Variants in KAT6B observed in about 807,000 individuals in gnomAD.
KAT6B encodes lysine acetyltransferase 6B, also known as histone acetyltransferase KAT6B.
KAT6B carries 10 observed loss-of-function variants against 187.5 expected under a neutral mutation model. The observed-to-expected ratio is 0.05, with a 90% CI of 0.03 to 0.09. The LOEUF (loss-of-function observed/expected upper bound fraction) is 0.09, where lower values mean the gene tolerates loss of function less well. Among genes scored for constraint, KAT6B ranks in the 10% least tolerant of loss-of-function variants. The pLI, the probability that KAT6B is intolerant of heterozygous loss-of-function variation, is 1.00. For missense variants in KAT6B, 1,952 were observed against 2,558.9 expected (o/e 0.76, Z 5.12); for synonymous variants, 861 against 926.8 (o/e 0.93, Z 1.29).
Position 75,032,320 on chromosome 10 carries a change from T to C in KAT6B, c.*1274T>C, listed in dbSNP as rs1846369361. ...CCTCTTGTGTCCTGTCATATTATGA[T>C]TGATAGAGAATGACCAATGGAACTG... On this transcript the variant is annotated 3_prime_UTR_variant, in exon 18 of 18. Transcript: ENST00000287239. 1 of 193,834 alleles carries C rather than the reference T, an allele frequency of 5.2e-6. No individual in the cohort carries two copies. The highest frequency in any genetic ancestry group is 1.1e-5 in the Non-Finnish European group (1 of 92,788). The allele number at this position is 193,834 out of a possible 1,614,324, so 12.0% of individuals were successfully genotyped here. A position where few individuals can be genotyped will look rare whatever the true frequency, so the allele number is the denominator to read the frequency against.
rs147266633 is a variant in KAT6B at position 75,014,256 on chromosome 10, C to T, written c.2630-6326C>T. ...TTGGGAGGCTGAGGTGGGAGGATCG[C>T]TTGAGCCTGAGAGTTTGAGACCAGC... On this transcript the variant is annotated intron_variant, in intron 13 of 17. Transcript: ENST00000287239. Among the ~76,000 whole-genome samples the T allele has an allele frequency of 4.3e-3, 654 of 152,224 alleles. 10 individuals carry two copies. The highest frequency in any genetic ancestry group is 0.015 in the African/African-American group (621 of 41,556).
intron 3 of KAT6B, among the ~76,000 whole-genome samples, chr10:74,877,501 A>G (rs1844510193): frequency 6.6e-6 from 1 of 152,204 alleles, no homozygotes; most frequent in South Asian, 2.1e-4. Context: ...GATGCTGCAG[A>G]AAGTGACTGC....
At chr10:74,864,441 A>G (rs911572570) in intron 3 of KAT6B, among the ~76,000 whole-genome samples, 1 of 152,020 alleles carries the variant, frequency 6.6e-6, no homozygotes, top group Non-Finnish European at 1.5e-5. Context: ...GGGTTTCACC[A>G]TGTTGGCCAG....
intron 3 of KAT6B, among the ~76,000 whole-genome samples, chr10:74,939,060 C>G (rs1301811700): frequency 6.6e-6 from 1 of 151,578 alleles, no homozygotes; most frequent in East Asian, 1.9e-4. Context: ...AACACACACA[C>G]ACACACACAC....
At chr10:74,938,097 C>T (rs912315774) in intron 3 of KAT6B, among the ~76,000 whole-genome samples, 3 of 152,164 alleles carry the variant, frequency 2.0e-5, no homozygotes, top group South Asian at 4.1e-4. Context: ...AGACATGAGC[C>T]GCCTCACCTG....
chr10:74,962,808 G>A (rs1473416591), intron 4 of KAT6B, among the ~76,000 whole-genome samples: 1 of 151,792 alleles, frequency 6.6e-6, no homozygotes, highest in Non-Finnish European at 1.5e-5. Flanking sequence ...AAAGGGGCTC[G>A]ATGCTTTAAA....
chr10:74,878,479 G>A (rs1363731639), intron 3 of KAT6B, among the ~76,000 whole-genome samples: 1 of 151,942 alleles, frequency 6.6e-6, no homozygotes, highest in Non-Finnish European at 1.5e-5. Flanking sequence ...AATTAGCCGG[G>A]TATGGTAGCA....
chr10:74,930,732 G>C (rs559340277), intron 3 of KAT6B, among the ~76,000 whole-genome samples: 14 of 152,118 alleles, frequency 9.2e-5, no homozygotes, highest in Non-Finnish European at 1.9e-4. Context: ...TTGTTTGATG[G>C]AGGTTCCAGG....
At chr10:74,830,750 A>ATATATATATATATATG (rs1554912264) in intron 1 of KAT6B, among the ~76,000 whole-genome samples, 14 of 20,720 alleles carry the variant, frequency 6.8e-4, no homozygotes, top group Admixed American at 2.4e-3. Context: ...ATATATATAT[A>ATATATATATATATATG]TATATATATA....
At chr10:74,869,799 G>C (rs918501943) in intron 3 of KAT6B, among the ~76,000 whole-genome samples, 3 of 152,172 alleles carry the variant, frequency 2.0e-5, no homozygotes, top group African/African-American at 7.2e-5. Flanking sequence ...TATTTCTGCT[G>C]TATGGATGCA....
At position 75,000,977 on chromosome 10, in the gene KAT6B, A is replaced by G. The variant is rs72803441; in HGVS notation, c.2629+11865A>G. ...CCAGTTTTGTGCCTCCAGGTTATGA[A>G]TTTGGCTCTTGTCTTCAGTGTGGTT... On this transcript the variant is annotated intron_variant, in intron 13 of 17. Transcript: ENST00000287239. Among the ~76,000 whole-genome samples the G allele has an allele frequency of 3.0e-3, 457 of 152,182 alleles. 1 individual carries two copies. Among genetic ancestry groups the G allele is most frequent in the South Asian group, 6.0e-3 (29 of 4,824 alleles).
chr10:74,903,253 A>C (rs999346031), intron 3 of KAT6B, among the ~76,000 whole-genome samples: 2 of 152,102 alleles, frequency 1.3e-5, no homozygotes, highest in Non-Finnish European at 1.5e-5. Context: ...TGCCCTTTGT[A>C]TTATATCTTC....
rs201260397 is a variant in KAT6B, at chr10:74,979,348, A to G, written c.2231+9A>G. 294 of 1,550,284 alleles carry G rather than the reference A, an allele frequency of 1.9e-4. No individual in the cohort carries two copies. In the African/African-American group the frequency reaches 3.5e-3, roughly 19 times the overall value. ...CCACAGGAATATGCAAGGTAATGGAATAAGTCTGGCAGGTGTATAACTTGA... is the reference window on the plus strand; with the variant it reads ...CCACAGGAATATGCAAGGTAATGGAGTAAGTCTGGCAGGTGTATAACTTGA... On this transcript the variant is annotated intron_variant, in intron 10 of 17. Coordinates refer to ENST00000287239, the MANE Select transcript of KAT6B (RefSeq NM_012330.4).
intron 3 of KAT6B, among the ~76,000 whole-genome samples, chr10:74,918,564 G>A (rs1847881834): frequency 6.6e-6 from 1 of 151,912 alleles, no homozygotes; most frequent in African/African-American, 2.4e-5. Context: ...CCAACATGGT[G>A]AAACCTTGTC....
intron 1 of KAT6B, among the ~76,000 whole-genome samples, chr10:74,834,156 G>A (rs1285140021): frequency 1.3e-5 from 2 of 151,484 alleles, no homozygotes; most frequent in African/African-American, 4.9e-5. Context: ...CATCTGTCAC[G>A]TTCACACACC....
chr10:74,977,545 G>C (rs1589742030), intron 9 of KAT6B, 108 bp downstream of exon 9: 1 of 1,373,606 alleles, frequency 7.3e-7, no homozygotes, highest in East Asian at 2.4e-5. Context: ...AACATCCTTT[G>C]TGATTCTTTA....
In KAT6B at chr10:75,028,977, G is replaced by A. The variant is rs781167972; in HGVS notation, c.4153G>A (p.Ala1385Thr). 3.1e-6 allele frequency: 5 copies of A among 1,613,798 alleles called. No individual in the cohort carries two copies. In the East Asian group the frequency reaches 1.1e-4, roughly 36 times the overall value. ...GGNVEKDPDGAKSQEKEEPEI... is the reference protein window; with the variant it reads ...GGNVEKDPDGTKSQEKEEPEI... ...AAATGTAGAAAAAGATCCAGATGGT[G>A]CTAAAAGCCAAGAAAAAGAGGAACC... Residue 1385 changes from alanine to threonine, a missense_variant, in exon 18 of 18, where the codon GCT becomes ACT. Ala to Thr is a moderately conservative substitution (Grantham distance 58). Around this residue, in one of 9 missense-constraint regions of KAT6B, gnomAD observed 758 missense variants for 891.4 expected, o/e 0.85. Transcript: ENST00000287239.
At chr10:75,023,320 C>T (rs1845578080) in intron 16 of KAT6B, among the ~76,000 whole-genome samples, 1 of 152,196 alleles carries the variant, frequency 6.6e-6, no homozygotes, top group East Asian at 1.9e-4. Flanking sequence ...ACTCCCAGCT[C>T]AGCGCTCTTC....
At position 74,985,116 on chromosome 10, in the gene KAT6B, C is replaced by G; in HGVS notation, c.2410C>G (p.Leu804Val). Residue 804 changes from leucine (L) to valine (V), a missense_variant, in exon 12 of 18, where the codon CTT (leucine) becomes GTT (valine). Physicochemically the swap from Leu to Val is conservative, Grantham distance 32. Transcript: ENST00000287239. ...TATGAGCAAAATTTATTGCCAAAAC[C>G]TTTGCTTGTTAGCCAAGCTCTTCCT... ...GNMSKIYCQN[L>V]CLLAKLFLDH... is the part of the protein sequence containing the mutation. The G allele has an allele frequency of 6.2e-7, 1 of 1,614,034 alleles. No homozygotes were observed. Among genetic ancestry groups the G allele is most frequent in the Non-Finnish European group, 8.5e-7 (1 of 1,179,978 alleles).
Sources: allele counts gnomAD v4.1 joint callset (sites outside exome capture counted in the v4.1 genomes callset), GRCh38; gene constraint gnomAD v4.1.1; regional missense constraint gnomAD v4.1.1; transcripts MANE v1.5; gene names NCBI Gene and HGNC (gene_info 2026-07-23, HGNC 2026-07-21).